The following RBFOX1 variants were observed in gnomAD, a reference collection of about 807,000 sequenced individuals.
RBFOX1 encodes the protein RNA binding fox-1 homolog 1, also known as RNA binding protein fox-1 homolog 1.
A neutral mutation model predicts 57.7 loss-of-function variants in RBFOX1; 8 were observed. That is an observed-to-expected ratio of 0.14 (90% CI 0.08 to 0.25). RBFOX1 has a LOEUF of 0.25. RBFOX1 is among the 10% of genes least tolerant of loss of function. The probability of loss-of-function intolerance (pLI) is 1.00; values close to 1 mark genes in which losing one functional copy is unlikely to be tolerated. For missense variants in RBFOX1, 611 were observed against 548.5 expected, an observed-to-expected ratio of 1.11 and a Z score of -1.14; for synonymous variants, 326 against 222.4, an observed-to-expected ratio of 1.47 and a Z score of -4.15.
At chr16:5,966,767 C>A (rs13329730) in intron 4 of RBFOX1, among the ~76,000 whole-genome samples, 4 of 151,884 alleles carry the variant, frequency 2.6e-5, no homozygotes, top group African/African-American at 7.3e-5. Context: ...ATCACTCCAC[C>A]AGCCCCCACC....
rs140102351 is a variant in RBFOX1 at position 6,763,967 on chromosome 16, G to T, written c.-16+109317G>T. 3.3e-5 allele frequency among the ~76,000 whole-genome samples: 5 copies of T among 152,280 alleles called. No individual in the cohort carries two copies. The East Asian group carries it at 9.7e-4, about 29-fold the overall frequency. On this transcript the variant is annotated intron_variant, in intron 3 of 15. Coordinates refer to ENST00000550418, the MANE Select transcript of RBFOX1 (RefSeq NM_018723.4). ...ATGAGTCCTGGAGAAAGTTGAATCT[G>T]CAAGTTTCTTTACAGTGGCCATCAG...
At chr16:5,378,752 G>A (rs2066055417) in intron 1 of RBFOX1, among the ~76,000 whole-genome samples, 1 of 151,558 alleles carries the variant, frequency 6.6e-6, no homozygotes, top group South Asian at 2.1e-4. Context: ...TTTGTCATCT[G>A]TAAAATGGGA....
intron 4 of RBFOX1, among the ~76,000 whole-genome samples, chr16:7,236,104 A>T (rs914212590): frequency 3.9e-5 from 6 of 152,314 alleles, no homozygotes; most frequent in African/African-American, 9.6e-5. Flanking sequence ...TCAACATTTC[A>T]GAAATTAGAG....
intron 3 of RBFOX1, among the ~76,000 whole-genome samples, chr16:6,803,811 A>G (rs11077087): frequency 0.55 from 83,471 of 151,860 alleles, 23,503 homozygotes; most frequent in Non-Finnish European, 0.6. Flanking sequence ...GTACTGGGAG[A>G]TTCACAGGCT....
intron 4 of RBFOX1, among the ~76,000 whole-genome samples, chr16:7,130,115 C>G (rs961627224): frequency 6.6e-5 from 10 of 151,494 alleles, no homozygotes; most frequent in South Asian, 6.3e-4. Context: ...CCACTGCAAC[C>G]TCTGCCTCCT....
chr16:5,440,991 A>G (rs779740001), intron 1 of RBFOX1, among the ~76,000 whole-genome samples: 9 of 152,184 alleles, frequency 5.9e-5, no homozygotes, highest in Non-Finnish European at 1.2e-4. Context: ...ACCCTTATGT[A>G]TACATTTTAA....
intron 2 of RBFOX1, among the ~76,000 whole-genome samples, chr16:6,504,184 G>C (rs564893247): frequency 2.2e-4 from 34 of 152,290 alleles, no homozygotes; most frequent in African/African-American, 7.9e-4. Context: ...TGTATCTTCA[G>C]GGAGCTGTGC....
intron 4 of RBFOX1, among the ~76,000 whole-genome samples, chr16:7,096,670 G>A (rs2061746008): frequency 6.6e-6 from 1 of 152,118 alleles, no homozygotes; most frequent in African/African-American, 2.4e-5. Flanking sequence ...GTTGGCTCAT[G>A]CCTGTAATCC....
At chr16:7,004,063 C>G (rs146413884) in intron 3 of RBFOX1, 1 of 151,442 alleles carries the variant, frequency 6.6e-6, no homozygotes, top group Non-Finnish European at 1.5e-5. Context: ...TGCCATACCA[C>G]CTTCTCTGTA....
At chr16:6,074,804 G>C (rs754663928) in intron 1 of RBFOX1, among the ~76,000 whole-genome samples, 1 of 152,172 alleles carries the variant, frequency 6.6e-6, no homozygotes, top group Non-Finnish European at 1.5e-5. Context: ...AAAGGATTCA[G>C]ATGAGTCTGA....
At chr16:7,419,651 G>T (rs780286544) in intron 4 of RBFOX1, among the ~76,000 whole-genome samples, 35 of 152,194 alleles carry the variant, frequency 2.3e-4, no homozygotes, top group Non-Finnish European at 4.7e-4. Context: ...GGACATGACA[G>T]TTCTTTTATC....
At chr16:7,080,777 C>T (rs571424076) in intron 4 of RBFOX1, among the ~76,000 whole-genome samples, 1 of 152,200 alleles carries the variant, frequency 6.6e-6, no homozygotes, top group South Asian at 2.1e-4. Flanking sequence ...GTATCATCAT[C>T]ATTCATTGCG....
intron 4 of RBFOX1, among the ~76,000 whole-genome samples, chr16:7,514,414 C>T (rs1049581837): frequency 6.6e-6 from 1 of 152,136 alleles, no homozygotes; most frequent in South Asian, 2.1e-4. Flanking sequence ...GTCCACTTTG[C>T]AGCTAGTATG....
intron 4 of RBFOX1, among the ~76,000 whole-genome samples, chr16:5,909,777 C>T (rs1033338944): frequency 1.3e-5 from 2 of 152,072 alleles, no homozygotes; most frequent in Admixed American, 6.5e-5. Context: ...CGTGGCTGGG[C>T]GTGGTGGCTC....
chr16:5,686,757 G>GA (rs2050517505), intron 3 of RBFOX1, among the ~76,000 whole-genome samples: 1 of 152,130 alleles, frequency 6.6e-6, no homozygotes, highest in Non-Finnish European at 1.5e-5. Context: ...AATAACAAAT[G>GA]AAAGTATTTT....
At chr16:5,728,563 G>A (rs1335322554) in intron 3 of RBFOX1, among the ~76,000 whole-genome samples, 1 of 152,168 alleles carries the variant, frequency 6.6e-6, no homozygotes, top group Admixed American at 6.5e-5. Context: ...AAGAAGTAGG[G>A]AAAGGCGGGA....
At chr16:5,691,527 T>C (rs1271655834) in intron 3 of RBFOX1, among the ~76,000 whole-genome samples, 3 of 152,230 alleles carry the variant, frequency 2.0e-5, no homozygotes, top group African/African-American at 7.2e-5. Flanking sequence ...GAGTATCCCT[T>C]ACCCAAAATG....
At chr16:6,009,796 G>GTGTGTATGTGTGTGTGTGTC (rs1310095076) in intron 4 of RBFOX1, among the ~76,000 whole-genome samples, 6 of 144,816 alleles carry the variant, frequency 4.1e-5, no homozygotes, top group Admixed American at 3.4e-4. Context: ...ATGGGGCAGT[G>GTGTGTATGTGTGTGTGTGTC]TGTGTATGTG....
At chr16:7,333,201 G>T in intron 4 of RBFOX1, 1 of 946,538 alleles carries the variant, frequency 1.1e-6, no homozygotes, top group Non-Finnish European at 1.7e-6. Context: ...AAGCCCTCGC[G>T]TAGTCAGTGA....
Sources: gnomAD v4.1 joint callset for allele counts (sites outside exome capture counted in the v4.1 genomes callset) on GRCh38, gnomAD v4.1.1 for gene constraint, MANE v1.5 for transcripts, NCBI Gene and HGNC (gene_info 2026-07-23, HGNC 2026-07-21) for gene names.